Variants in ASXL2 observed in about 807,000 individuals in gnomAD.
ASXL2 encodes the protein putative Polycomb group protein ASXL2.
Under a neutral mutation model 122.0 loss-of-function variants are expected in ASXL2, and 23 were observed. The observed-to-expected ratio is 0.19, with a 90% CI of 0.14 to 0.27. The LOEUF is 0.27. ASXL2 is among the 10% of genes least tolerant of loss of function. The pLI is 1.00. For synonymous variants in ASXL2, 650 were observed against 637.0 expected (o/e 1.02, Z -0.31); for missense variants, 1,518 against 1,713.8 (o/e 0.89, Z 2.02).
chr2:25,878,052 G>C (rs1019203562), intron 1 of ASXL2, 114 bp downstream of exon 1: 1 of 1,397,308 alleles, frequency 7.2e-7, no homozygotes, highest in Non-Finnish European at 1.0e-6. Flanking sequence ...TCTCCGCGCG[G>C]TTTTGTGCCC....
chr2:25,801,853 C>T (rs377526146), intron 4 of ASXL2, among the ~76,000 whole-genome samples: 1 of 152,184 alleles, frequency 6.6e-6, no homozygotes, highest in East Asian at 1.9e-4. Context: ...TTAAATCTAT[C>T]CTACTTGAGT....
intron 9 of ASXL2, among the ~76,000 whole-genome samples, chr2:25,758,695 T>A (rs920832186): frequency 4.0e-5 from 6 of 151,540 alleles, no homozygotes; most frequent in Non-Finnish European, 1.5e-5. Context: ...TTTTTTTTTT[T>A]AAGTATAATT....
Position 25,744,438 on chromosome 2 carries a change from T to C in ASXL2, c.1899A>G (p.Pro633=), listed in dbSNP as rs1038198962. The C allele has an allele frequency of 5.6e-6, 9 of 1,611,416 alleles. No homozygotes were observed. Among genetic ancestry groups the C allele is most frequent in the South Asian group, 2.2e-5 (2 of 90,900 alleles). Residue 633 remains proline, a synonymous_variant, in exon 13 of 13, where the codon CCA becomes CCG. Transcript: ENST00000435504. The surrounding 1 kb of genome is among the most constrained non-coding windows in gnomAD (Gnocchi z 4.7). ...AACGAGCCCTGGGAGAGACCTGCGA[T>C]GGATGAAACGGCATGGGGGAGATTC... ...VSRISPMPFH[P]SQVSPRARFP...
At chr2:25,775,469 G>C (rs2088531526) in intron 5 of ASXL2, among the ~76,000 whole-genome samples, 2 of 152,136 alleles carry the variant, frequency 1.3e-5, no homozygotes, top group Admixed American at 6.6e-5. Context: ...TGTCAGCGGA[G>C]TGACCTGTAA....
At chr2:25,789,467 A>T (rs2088797676) in intron 5 of ASXL2, among the ~76,000 whole-genome samples, 1 of 151,892 alleles carries the variant, frequency 6.6e-6, no homozygotes, top group Non-Finnish European at 1.5e-5. Flanking sequence ...AATGGGTGTG[A>T]CCAGAAGAGA....
intron 1 of ASXL2, among the ~76,000 whole-genome samples, chr2:25,862,342 T>C (rs532476411): frequency 6.6e-6 from 1 of 152,298 alleles, no homozygotes; most frequent in African/African-American, 2.4e-5. Flanking sequence ...GGAGCTTCAC[T>C]TATATTACAA....
In ASXL2 at chr2:25,743,992, G is replaced by T; in HGVS notation, c.2345C>A (p.Thr782Lys). The change falls in exon 13 of 13, where the codon ACA (threonine) becomes AAA (lysine). Residue 782 changes from threonine (T) to lysine (K), a missense_variant. Around this residue, in one of 8 missense-constraint regions of ASXL2, gnomAD observed 831 missense variants for 833.1 expected, o/e 1.00. Transcript: ENST00000435504. ...QLQQTPPVPP[T>K]PAVSGACTSV... ...TGTGCATGCTCCACTGACGGCAGGTGTTGGAGGCACTGGGGGGGTTTGCTG... is the reference window on the plus strand; with the variant it reads ...TGTGCATGCTCCACTGACGGCAGGTTTTGGAGGCACTGGGGGGGTTTGCTG... 6.2e-7 allele frequency: 1 copy of T among 1,614,038 alleles called. No individual in the cohort carries two copies. The highest frequency in any genetic ancestry group is 1.1e-5 in the South Asian group (1 of 91,082).
intron 1 of ASXL2, chr2:25,856,545 T>C (rs548381280): frequency 5.0e-5 from 56 of 1,129,984 alleles, no homozygotes; most frequent in East Asian, 1.8e-4. Context: ...AATGAGTTGG[T>C]TGTATTTCGC....
At chr2:25,816,315 G>A (rs924123197) in intron 3 of ASXL2, among the ~76,000 whole-genome samples, 2 of 152,086 alleles carry the variant, frequency 1.3e-5, no homozygotes, top group African/African-American at 4.8e-5. Flanking sequence ...GGTTCCAGGC[G>A]TTAAAAGCCA....
chr2:25,786,737 G>C (rs1346626815), intron 5 of ASXL2, among the ~76,000 whole-genome samples: 5 of 151,852 alleles, frequency 3.3e-5, no homozygotes, highest in East Asian at 2.0e-4. Flanking sequence ...ACCTGTAATC[G>C]CAGCTACTCA....
intron 9 of ASXL2, among the ~76,000 whole-genome samples, chr2:25,758,364 TCTCC>T (rs1184363865): frequency 6.6e-6 from 1 of 152,190 alleles, no homozygotes; most frequent in Non-Finnish European, 1.5e-5. Flanking sequence ...AAGGAAAACA[TCTCC>T]CTCTCATCAT....
At chr2:25,849,740 A>G (rs1042575768) in intron 1 of ASXL2, among the ~76,000 whole-genome samples, 14 of 152,084 alleles carry the variant, frequency 9.2e-5, no homozygotes, top group African/African-American at 3.4e-4. Flanking sequence ...GGGTTTTGCC[A>G]TGTTGTCCAG....
chr2:25,810,231 C>A, intron 3 of ASXL2: 1 of 609,834 alleles, frequency 1.6e-6, no homozygotes. Context: ...CAGCTCAGCT[C>A]GTTCCTCTGT....
intron 1 of ASXL2, among the ~76,000 whole-genome samples, chr2:25,848,224 G>A (rs1040894113): frequency 6.6e-6 from 1 of 152,210 alleles, no homozygotes; most frequent in African/African-American, 2.4e-5. Context: ...TATTATCCAT[G>A]TTAATGGTAA....
chr2:25,828,968 TTATC>T (rs2089415334), intron 3 of ASXL2, among the ~76,000 whole-genome samples: 2 of 152,136 alleles, frequency 1.3e-5, no homozygotes, highest in African/African-American at 4.8e-5. Context: ...TTTTATGTGT[TTATC>T]TATGAGATAA....
chr2:25,875,775 C>T (rs2090005054), intron 1 of ASXL2, among the ~76,000 whole-genome samples: 1 of 152,158 alleles, frequency 6.6e-6, no homozygotes, highest in Non-Finnish European at 1.5e-5. Context: ...TCCTCGAACA[C>T]TTGACATCCT....
intron 1 of ASXL2, among the ~76,000 whole-genome samples, chr2:25,851,133 CA>C (rs2149195967): frequency 7.6e-6 from 1 of 131,174 alleles, no homozygotes; most frequent in South Asian, 2.4e-4. Context: ...GCAACAAGAG[CA>C]AAACTCCTTC....
chr2:25,761,369 G>A (rs1026116308), intron 8 of ASXL2, among the ~76,000 whole-genome samples: 3 of 151,974 alleles, frequency 2.0e-5, no homozygotes, highest in Non-Finnish European at 2.9e-5. Flanking sequence ...GGAAGGGAAC[G>A]ATCACATAAA....
At chr2:25,762,210 TG>T (rs1574402323) in intron 8 of ASXL2, among the ~76,000 whole-genome samples, 1 of 150,134 alleles carries the variant, frequency 6.7e-6, no homozygotes, top group East Asian at 2.0e-4. Flanking sequence ...TTTAGAAGTG[TG>T]GTACCATTTA....
Sources: gnomAD v4.1 joint callset for allele counts (sites outside exome capture counted in the v4.1 genomes callset) on GRCh38, gnomAD v4.1.1 for gene constraint, gnomAD v4.1.1 regional missense constraint, Gnocchi (gnomAD v3.1) non-coding constraint, MANE v1.5 for transcripts, NCBI Gene and HGNC (gene_info 2026-07-23, HGNC 2026-07-21) for gene names.